Variants in PAX2 observed in about 807,000 individuals in gnomAD.
The protein encoded by PAX2 is paired box protein Pax-2.
Under a neutral mutation model 41.7 loss-of-function variants are expected in PAX2, and 9 were observed. The observed-to-expected ratio is 0.22, with a 90% CI of 0.13 to 0.38. PAX2 has a LOEUF of 0.38. PAX2 is among the 10% of genes least tolerant of loss of function. PAX2 has a pLI of 1.00. For missense variants in PAX2, 418 were observed against 531.6 expected (o/e 0.79, Z 2.10); for synonymous variants, 221 against 212.7 (o/e 1.04, Z -0.34).
rs5787400 is a variant in PAX2, at chr10:100,781,011, TA to T, written c.497-232del. On this transcript the variant is annotated intron_variant, in intron 4 of 9. Transcript: ENST00000355243. ...CAGGTCTGCAGAGAAGGCCTGGGGT[TA>T]AACTGGGCACCACTTACCTCAGGGC... Among the ~76,000 whole-genome samples, 44,964 of 152,024 alleles carry T rather than the reference TA, an allele frequency of 0.3. 8,604 individuals are homozygous for T. The highest frequency in any genetic ancestry group is 0.53 in the African/African-American group (22,138 of 41,396).
chr10:100,802,752 G>A (rs2133942222), intron 5 of PAX2, among the ~76,000 whole-genome samples: 1 of 152,276 alleles, frequency 6.6e-6, no homozygotes, highest in Admixed American at 6.5e-5. Flanking sequence ...GGGGGCAAAG[G>A]GGCTGTTGGA....
chr10:100,739,995 G>A (rs1328476887), intron 1 of PAX2, among the ~76,000 whole-genome samples: 1 of 152,076 alleles, frequency 6.6e-6, no homozygotes, highest in Non-Finnish European at 1.5e-5. Flanking sequence ...CAGTTCCCTC[G>A]GCAACTCTCT....
chr10:100,827,930 TCCA>T lies in PAX2; in HGVS notation c.*315_*317del, dbSNP rs1407353330. ...GGATTCGGCCCAGCTCGTCCCGGCC[TCCA>T]CCAAGCCAGCCCCGAAGCCCGCCAG... On this transcript the variant is annotated 3_prime_UTR_variant, in exon 10 of 10. Transcript: ENST00000355243. This position sits in a 1 kb window ranked among gnomAD's most constrained non-coding sequence, Gnocchi z 8.5. The T allele has an allele frequency of 2.6e-6, 1 of 379,296 alleles. No homozygotes were observed. The highest frequency in any genetic ancestry group is 4.7e-6 in the Non-Finnish European group (1 of 212,496). The allele number at this position is 379,296 out of a possible 1,614,324, so 23.5% of individuals were successfully genotyped here.
At position 100,746,241 on chromosome 10, in the gene PAX2, T is replaced by A; in HGVS notation, c.-20T>A. 6.2e-7 allele frequency: 1 copy of A among 1,613,280 alleles called. No individual in the cohort carries two copies. Among genetic ancestry groups the A allele is most frequent in the Non-Finnish European group, 8.5e-7 (1 of 1,179,762 alleles). On this transcript the variant is annotated 5_prime_UTR_variant, in exon 1 of 10. Transcript: ENST00000355243. ...GACACGGCGGCGGCGGCCGCGCTGC[T>A]CCCGCTCCTCTGCCTCCCCATGGAT... is the stretch of plus-strand genomic sequence containing the variant.
In PAX2 at chr10:100,828,650, A is replaced by T. The variant is rs1218823151; in HGVS notation, c.*1031A>T. On this transcript the variant is annotated 3_prime_UTR_variant, in exon 10 of 10. Coordinates refer to ENST00000355243, the MANE Select transcript of PAX2 (RefSeq NM_000278.5). This position sits in a 1 kb window ranked among gnomAD's most constrained non-coding sequence, Gnocchi z 6.5. ...CCCCCTCCCCCGACACAGACTCTCA[A>T]TCTGCCGGTGGTAAGAACCGGTTCT... 2 of 232,798 alleles carry T rather than the reference A, an allele frequency of 8.6e-6. No individual in the cohort carries two copies. Among genetic ancestry groups the T allele is most frequent in the Admixed American group, 1.1e-4 (2 of 17,752 alleles). The allele number at this position is 232,798 out of a possible 1,614,324, so 14.4% of individuals were successfully genotyped here.
At chr10:100,790,713 G>A (rs1013196611) in intron 5 of PAX2, among the ~76,000 whole-genome samples, 5 of 152,162 alleles carry the variant, frequency 3.3e-5, no homozygotes, top group African/African-American at 7.2e-5. Context: ...GCCTGCCAGC[G>A]GAATGGTCCT....
intron 3 of PAX2, among the ~76,000 whole-genome samples, chr10:100,761,759 G>T (rs975551053): frequency 1.3e-5 from 2 of 152,212 alleles, no homozygotes; most frequent in Non-Finnish European, 2.9e-5. Flanking sequence ...GGCCTGTCAG[G>T]TCAGGTGACT....
At chr10:100,798,645 T>C (rs1341321717) in intron 5 of PAX2, among the ~76,000 whole-genome samples, 1 of 151,680 alleles carries the variant, frequency 6.6e-6, no homozygotes, top group Non-Finnish European at 1.5e-5. Flanking sequence ...CCTCATCCTC[T>C]CTTCTTCCCT....
intron 7 of PAX2, among the ~76,000 whole-genome samples, chr10:100,814,443 C>A (rs1046743130): frequency 2.0e-5 from 3 of 151,170 alleles, no homozygotes; most frequent in African/African-American, 7.3e-5. Context: ...CACCACTGCT[C>A]ACCAAATTGT....
intron 1 of PAX2, among the ~76,000 whole-genome samples, chr10:100,740,371 G>C (rs1844910163): frequency 1.3e-5 from 2 of 152,204 alleles, no homozygotes; most frequent in Admixed American, 1.3e-4. Context: ...AGTGGCAGGA[G>C]GTATAGACAG....
intron 3 of PAX2, among the ~76,000 whole-genome samples, chr10:100,751,254 C>T (rs897915995): frequency 2.0e-5 from 3 of 152,212 alleles, no homozygotes; most frequent in African/African-American, 7.2e-5. Flanking sequence ...TTCATCCCTC[C>T]AAACAGACTG....
chr10:100,813,307 T>G (rs1021858616), intron 7 of PAX2, among the ~76,000 whole-genome samples: 1 of 152,248 alleles, frequency 6.6e-6, no homozygotes, highest in Admixed American at 6.5e-5. Context: ...GGAATGAGAT[T>G]GATGTCTGGG....
Position 100,746,219 on chromosome 10 carries a change from A to ACCG in PAX2, c.-41_-40insCGC, listed in dbSNP as rs1456037186. The stretch of plus-strand genomic sequence containing the variant: ...CCTGAAGTTGAGTTTGAGAGGCGAC[A>ACCG]CGGCGGCGGCGGCCGCGCTGCTCCC... On this transcript the variant is annotated 5_prime_UTR_variant, in exon 1 of 10. Transcript: ENST00000355243. 1 of 1,612,478 alleles carries ACCG rather than the reference A, an allele frequency of 6.2e-7. No individual in the cohort carries two copies. The highest frequency in any genetic ancestry group is 2.2e-5 in the East Asian group (1 of 44,786).
rs544451705 is a variant in PAX2 at position 100,802,493 on chromosome 10, C to T, written c.617-3937C>T. On this transcript the variant is annotated intron_variant, in intron 5 of 9. Coordinates refer to ENST00000355243, the MANE Select transcript of PAX2 (RefSeq NM_000278.5). Reference sequence around the variant, plus strand: ...CAGAGCTGATGCTGTTAGAGGCTAACAAGCAGTGGGGATAGCACATCTTTT... The same window carrying T: ...CAGAGCTGATGCTGTTAGAGGCTAATAAGCAGTGGGGATAGCACATCTTTT... Among the ~76,000 whole-genome samples, 3 of 152,318 alleles carry T rather than the reference C, an allele frequency of 2.0e-5. 1 individual carries two copies. In the South Asian group the frequency reaches 6.2e-4, roughly 32 times the overall value.
intron 5 of PAX2, among the ~76,000 whole-genome samples, chr10:100,794,654 C>G (rs1847259713): frequency 6.6e-6 from 1 of 152,204 alleles, no homozygotes; most frequent in Non-Finnish European, 1.5e-5. Flanking sequence ...CAGAGACAGT[C>G]TAACCAATGC....
At chr10:100,805,244 G>T (rs867140143) in intron 5 of PAX2, among the ~76,000 whole-genome samples, 1 of 152,094 alleles carries the variant, frequency 6.6e-6, no homozygotes, top group Non-Finnish European at 1.5e-5. Context: ...ATACTGTATG[G>T]TGTTACTGTA....
Position 100,824,858 on chromosome 10 carries a change from C to G in PAX2, c.1021+109C>G, listed in dbSNP as rs943461988. 7 of 1,546,762 alleles carry G rather than the reference C, an allele frequency of 4.5e-6. No individual in the cohort carries two copies. In the East Asian group the frequency reaches 1.6e-4, roughly 35 times the overall value. The stretch of plus-strand genomic sequence containing the variant: ...CTGGGGTGGGGGGAGACACAACGTC[C>G]CCTCCCTGCAAACCACTGCTATTCT... On this transcript the variant is annotated intron_variant, in intron 8 of 9. Coordinates refer to ENST00000355243, the MANE Select transcript of PAX2 (RefSeq NM_000278.5). The surrounding 1 kb of genome is among the most constrained non-coding windows in gnomAD (Gnocchi z 6.6).
At chr10:100,755,993 A>G (rs1845612323) in intron 3 of PAX2, among the ~76,000 whole-genome samples, 1 of 152,210 alleles carries the variant, frequency 6.6e-6, no homozygotes, top group Admixed American at 6.5e-5. Flanking sequence ...AATGACAGGC[A>G]ATGTTGGAAG....
chr10:100,738,983 G>A (rs74152635), intron 1 of PAX2, among the ~76,000 whole-genome samples: 2 of 150,674 alleles, frequency 1.3e-5, no homozygotes, highest in Non-Finnish European at 3.0e-5. Context: ...CCCTTTCCCC[G>A]AGGGCCTAAT....
Sources: gnomAD v4.1 joint callset for allele counts (sites outside exome capture counted in the v4.1 genomes callset) on GRCh38, gnomAD v4.1.1 for gene constraint, Gnocchi (gnomAD v3.1) non-coding constraint, MANE v1.5 for transcripts, NCBI Gene and HGNC (gene_info 2026-07-23, HGNC 2026-07-21) for gene names.